TENM3: variants seen among roughly 807,000 people sequenced by gnomAD.
TENM3 encodes teneurin-3.
In TENM3, 63 loss-of-function variants were observed where a neutral mutation model predicts 255.1. The observed-to-expected ratio is 0.25, with a 90% CI of 0.20 to 0.30. The LOEUF is 0.30. Ranked by LOEUF, TENM3 falls within the 10% of genes least tolerant of loss-of-function variation. TENM3 has a pLI of 1.00. For synonymous variants in TENM3, 1,306 were observed against 1,322.3 expected, an observed-to-expected ratio of 0.99 and a Z score of 0.27; for missense variants, 2,929 against 3,461.1, an observed-to-expected ratio of 0.85 and a Z score of 3.86.
Position 182,613,346 on chromosome 4 carries a change from G to A in TENM3, c.749+12185G>A, listed in dbSNP as rs377099182. On this transcript the variant is annotated intron_variant, in intron 4 of 27. Coordinates refer to ENST00000511685, the MANE Select transcript of TENM3 (RefSeq NM_001080477.4). The stretch of plus-strand genomic sequence containing the variant: ...AAATGTGAAACAAAGACTGTAAAGC[G>A]ATTTTAGTCTTCATAATGGCTAAAA... Among the ~76,000 whole-genome samples the A allele has an allele frequency of 1.2e-4, 19 of 152,238 alleles. 1 individual carries two copies. Among genetic ancestry groups the A allele is most frequent in the African/African-American group, 4.6e-4 (19 of 41,562 alleles).
intron 1 of TENM3, among the ~76,000 whole-genome samples, chr4:182,319,986 G>A (rs938320137): frequency 6.6e-5 from 10 of 152,146 alleles, no homozygotes; most frequent in Non-Finnish European, 1.0e-4. Context: ...GGTGGCACGC[G>A]CCTGTAATCC....
chr4:182,187,983 A>AATT (rs1321948934), intron 1 of TENM3, among the ~76,000 whole-genome samples: 10 of 152,174 alleles, frequency 6.6e-5, no homozygotes, highest in Non-Finnish European at 1.5e-5. Context: ...CAGTGCCAAA[A>AATT]ATTAAGCTTA....
chr4:182,456,538 A>G (rs1277101599), intron 3 of TENM3, among the ~76,000 whole-genome samples: 2 of 152,216 alleles, frequency 1.3e-5, no homozygotes, highest in African/African-American at 4.8e-5. Context: ...CCTAACAGTA[A>G]GTTTGAGTAA....
intron 3 of TENM3, among the ~76,000 whole-genome samples, chr4:182,406,099 A>G (rs1769553793): frequency 6.6e-6 from 1 of 152,162 alleles, no homozygotes; most frequent in Admixed American, 6.5e-5. Flanking sequence ...TGCAGTCAGG[A>G]GTTCAAGACC....
chr4:182,403,082 G>A (rs1039633343), intron 3 of TENM3, among the ~76,000 whole-genome samples: 1 of 152,138 alleles, frequency 6.6e-6, no homozygotes, highest in Admixed American at 6.5e-5. Flanking sequence ...CCAAAGATAC[G>A]AAACCATGTA....
intron 3 of TENM3, among the ~76,000 whole-genome samples, chr4:182,417,605 A>G (rs1295735974): frequency 6.6e-6 from 1 of 152,218 alleles, no homozygotes; most frequent in Admixed American, 6.5e-5. Flanking sequence ...TTAGTATCTA[A>G]TAAACGGCTA....
At chr4:182,452,799 T>C (rs1484738823) in intron 3 of TENM3, among the ~76,000 whole-genome samples, 1 of 152,194 alleles carries the variant, frequency 6.6e-6, no homozygotes, top group Non-Finnish European at 1.5e-5. Flanking sequence ...GTATGACAGA[T>C]AGTTCTAGCA....
the TENM3 span, among the ~76,000 whole-genome samples, chr4:181,466,209 A>G: frequency 2.0e-5 from 3 of 148,346 alleles, no homozygotes; most frequent in African/African-American, 7.5e-5. Flanking sequence ...CCTCCGCCTC[A>G]CTGGTTCAAG....
chr4:182,748,252 A>G (rs555742811), intron 19 of TENM3, among the ~76,000 whole-genome samples: 3 of 152,308 alleles, frequency 2.0e-5, no homozygotes, highest in Non-Finnish European at 4.4e-5. Flanking sequence ...AAATTGTAAT[A>G]TTTCAAACCT....
At chr4:182,497,157 G>A (rs1402644256) in intron 3 of TENM3, among the ~76,000 whole-genome samples, 2 of 151,686 alleles carry the variant, frequency 1.3e-5, no homozygotes, top group African/African-American at 2.4e-5. Context: ...GGGTTCAAGC[G>A]ATTCCCCTGC....
intron 3 of TENM3, among the ~76,000 whole-genome samples, chr4:182,376,075 A>C (rs1222037948): frequency 6.6e-6 from 1 of 152,204 alleles, no homozygotes; most frequent in African/African-American, 2.4e-5. Flanking sequence ...ATGTATTAAA[A>C]TTATTTTCCT....
chr4:182,192,008 ATT>A (rs769800279), intron 1 of TENM3, among the ~76,000 whole-genome samples: 1 of 151,894 alleles, frequency 6.6e-6, no homozygotes, highest in South Asian at 2.1e-4. Context: ...CCTGCCACCT[ATT>A]TTTTTTGTAT....
chr4:181,472,237 T>C, the TENM3 span, among the ~76,000 whole-genome samples: 33 of 152,054 alleles, frequency 2.2e-4, no homozygotes, highest in African/African-American at 8.0e-4. Flanking sequence ...TGAGAGGAAG[T>C]AGGAGGCTGT....
chr4:181,880,990 C>G, the TENM3 span, among the ~76,000 whole-genome samples: 1 of 152,114 alleles, frequency 6.6e-6, no homozygotes, highest in Non-Finnish European at 1.5e-5. Context: ...TTATTTGACC[C>G]AAGCTCATTT....
the TENM3 span, among the ~76,000 whole-genome samples, chr4:182,107,112 C>T: frequency 2.6e-5 from 4 of 151,100 alleles, no homozygotes; most frequent in African/African-American, 7.3e-5. Context: ...GTTCACTGTG[C>T]GCTGGTTAGT....
chr4:181,695,133 C>T, the TENM3 span, among the ~76,000 whole-genome samples: 1 of 152,138 alleles, frequency 6.6e-6, no homozygotes, highest in Non-Finnish European at 1.5e-5. Context: ...CCTAAAAATG[C>T]TATTAATATT....
At chr4:181,534,974 A>G in the TENM3 span, among the ~76,000 whole-genome samples, 4 of 152,150 alleles carry the variant, frequency 2.6e-5, no homozygotes, top group Admixed American at 6.5e-5. Flanking sequence ...CTGCACAGCC[A>G]TAGCTCTAGC....
intron 16 of TENM3, among the ~76,000 whole-genome samples, chr4:182,731,694 G>GGTGTGTGTGTGTGT (rs70956536): frequency 8.0e-6 from 1 of 124,682 alleles, no homozygotes; most frequent in Non-Finnish European, 1.7e-5. Context: ...TGGGTGTTGG[G>GGTGTGTGTGTGTGT]GTGTGTGTGT....
the TENM3 span, among the ~76,000 whole-genome samples, chr4:182,015,779 TC>T: frequency 6.6e-6 from 1 of 152,028 alleles, no homozygotes; most frequent in Admixed American, 6.5e-5. Flanking sequence ...CAGGCTGGTC[TC>T]GAACTCCTGA....
Sources: gnomAD v4.1 joint callset for allele counts (sites outside exome capture counted in the v4.1 genomes callset) on GRCh38, gnomAD v4.1.1 for gene constraint, MANE v1.5 for transcripts, NCBI Gene and HGNC (gene_info 2026-07-23, HGNC 2026-07-21) for gene names.